LFNG: variants seen among roughly 807,000 people sequenced by gnomAD.
LFNG encodes the protein beta-1,3-N-acetylglucosaminyltransferase lunatic fringe.
In LFNG, 15 loss-of-function variants were observed where a neutral mutation model predicts 32.7. The ratio of observed to expected loss-of-function variants is 0.46; its 90% confidence interval spans 0.31 to 0.71. The LOEUF (loss-of-function observed/expected upper bound fraction) is 0.71, where lower values mean the gene tolerates loss of function less well. LFNG is among the 30% of genes least tolerant of loss of function. The pLI is 0.06. For missense variants in LFNG, 520 were observed against 545.7 expected (o/e 0.95, Z 0.47); for synonymous variants, 274 against 246.8 (o/e 1.11, Z -1.03).
upstream of LFNG, among the ~76,000 whole-genome samples, chr7:2,514,248 A>G (rs538526009): frequency 5.4e-4 from 83 of 152,356 alleles, no homozygotes; most frequent in African/African-American, 1.8e-3. Flanking sequence ...TTTGGGAGAC[A>G]GAGTCAGAGA....
upstream of LFNG, chr7:2,513,109 C>A (rs774092304): frequency 4.2e-5 from 68 of 1,600,158 alleles, no homozygotes; most frequent in Non-Finnish European, 5.6e-5. Context: ...TTGGGCTGGA[C>A]CCATTTTTCT....
At chr7:2,522,365 G>T (rs1583273683) in intron 1 of LFNG, among the ~76,000 whole-genome samples, 1 of 152,238 alleles carries the variant, frequency 6.6e-6, no homozygotes, top group Admixed American at 6.5e-5. Context: ...GGGAGGGTCG[G>T]TTGGTCAGCA....
downstream of LFNG, among the ~76,000 whole-genome samples, chr7:2,528,687 CTA>C (rs1172158668): frequency 6.6e-6 from 1 of 152,186 alleles, no homozygotes; most frequent in Non-Finnish European, 1.5e-5. Context: ...AGGAACAGGT[CTA>C]GGATGCTGGG....
In LFNG at chr7:2,520,052, C is replaced by T; in HGVS notation, c.191C>T (p.Pro64Leu). 2 of 1,124,064 alleles carry T rather than the reference C, an allele frequency of 1.8e-6. No homozygotes were observed. The highest frequency in any genetic ancestry group is 2.2e-6 in the Non-Finnish European group (2 of 919,552). 69.6% of individuals were successfully genotyped at this position (1,124,064 alleles called of 1,614,324 possible). The change falls in exon 1 of 8, where the codon CCC becomes CTC. Residue 64 changes from proline to leucine, a missense_variant. Physicochemically the swap from Pro to Leu is moderately conservative, Grantham distance 98 (BLOSUM62 -3). This residue lies in a region of LFNG where 360 missense variants were observed against 354.7 expected (regional missense o/e 1.01). Coordinates refer to ENST00000222725, the MANE Select transcript of LFNG (RefSeq NM_001040167.2). This position sits in a 1 kb window ranked among gnomAD's most constrained non-coding sequence, Gnocchi z 5.0. ...GGGCTGGGGGCGGCGGCGGCGGCGC[C>T]CGGGGCGCTGGTCCGCGACGTGCAC... ...APGLGAAAAA[P>L]GALVRDVHSL...
In LFNG at chr7:2,520,173, C is replaced by G. The variant is rs552455490; in HGVS notation, c.312C>G (p.Arg104=). ...CCCGCCCCGCCGACGGCCACCCGCG[C>G]CCCCTGGCCGAGCCGCTCGCGCCCC... ...AAPRPADGHP[R]PLAEPLAPRD... Residue 104 remains arginine (R), a synonymous_variant, in exon 1 of 8, where the codon CGC becomes CGG. Transcript: ENST00000222725. This position sits in a 1 kb window ranked among gnomAD's most constrained non-coding sequence, Gnocchi z 5.0. The G allele has an allele frequency of 4.5e-6, 7 of 1,551,648 alleles. No homozygotes were observed. The highest frequency in any genetic ancestry group is 6.1e-6 in the Non-Finnish European group (7 of 1,150,922).
chr7:2,516,617 G>C (rs888203239), upstream of LFNG, among the ~76,000 whole-genome samples: 1 of 152,216 alleles, frequency 6.6e-6, no homozygotes, highest in Non-Finnish European at 1.5e-5. Context: ...GAGGAGGGTA[G>C]GGCCCCTGGT....
At position 2,520,072 on chromosome 7, in the gene LFNG, G is replaced by A; in HGVS notation, c.211G>A (p.Val71Met). The A allele has an allele frequency of 8.0e-7, 1 of 1,249,520 alleles. No individual in the cohort carries two copies. Among genetic ancestry groups the A allele is most frequent in the Non-Finnish European group, 1.0e-6 (1 of 988,872 alleles). The allele number at this position is 1,249,520 out of a possible 1,614,324, so 77.4% of individuals were successfully genotyped here. A position where few individuals can be genotyped will look rare whatever the true frequency, so the allele number is the denominator to read the frequency against. Residue 71 changes from valine to methionine, a missense_variant, in exon 1 of 8, where the codon GTG (valine) becomes ATG (methionine). By Grantham distance (21) the Val-to-Met change is conservative. This residue lies in a region of LFNG where 360 missense variants were observed against 354.7 expected (regional missense o/e 1.01). Transcript: ENST00000222725. The surrounding 1 kb of genome is among the most constrained non-coding windows in gnomAD (Gnocchi z 5.0). ...AAAPGALVRD[V>M]HSLSEYFSLL... ...GGCGCCCGGGGCGCTGGTCCGCGAC[G>A]TGCACAGTCTGTCCGAGTACTTCAG...
upstream of LFNG, chr7:2,513,386 G>A: frequency 6.6e-7 from 1 of 1,514,724 alleles, no homozygotes; most frequent in South Asian, 1.3e-5. Context: ...AGAGCAGCCT[G>A]GAATATCCTT....
chr7:2,521,507 C>T (rs1267702692), intron 1 of LFNG, among the ~76,000 whole-genome samples: 1 of 152,226 alleles, frequency 6.6e-6, no homozygotes, highest in Non-Finnish European at 1.5e-5. Flanking sequence ...CCGCTGCTGG[C>T]GTGCTGGCCA....
At position 2,527,055 on chromosome 7, in the gene LFNG, G is replaced by C. The variant is rs181353385; in HGVS notation, c.1074-91G>C. ...GTGTCCCCCGGAGTCCTGCTTGCTC[G>C]GGGTGGGGCCGCCAGTGTTGTGGGA... On this transcript the variant is annotated intron_variant, in intron 7 of 7. Coordinates refer to ENST00000222725, the MANE Select transcript of LFNG (RefSeq NM_001040167.2). This position sits in a 1 kb window ranked among gnomAD's most constrained non-coding sequence, Gnocchi z 4.4. 1.4e-6 allele frequency: 2 copies of C among 1,460,078 alleles called. No homozygotes were observed. Among genetic ancestry groups the C allele is most frequent in the African/African-American group, 1.4e-5 (1 of 71,444 alleles). The allele number at this position is 1,460,078 out of a possible 1,614,324, so 90.4% of individuals were successfully genotyped here. A position where few individuals can be genotyped will look rare whatever the true frequency, so the allele number is the denominator to read the frequency against.
chr7:2,524,771 G>A (rs1281208080), intron 2 of LFNG, 28 bp downstream of exon 2: 1 of 1,562,204 alleles, frequency 6.4e-7, no homozygotes, highest in Non-Finnish European at 8.7e-7. Context: ...GGCGGGAGGG[G>A]GCCCAGGCCT....
At chr7:2,515,154 CCATCCATCCATCTATT>C (rs1305878642), upstream of LFNG, among the ~76,000 whole-genome samples, 1 of 152,060 alleles carries the variant, frequency 6.6e-6, no homozygotes, top group Non-Finnish European at 1.5e-5. Flanking sequence ...ATCCACCTTT[CCATCCATCCATCTATT>C]CATCCATCCA....
chr7:2,513,140 CT>C, upstream of LFNG: 2 of 1,601,320 alleles, frequency 1.2e-6, no homozygotes, highest in Admixed American at 3.4e-5. Flanking sequence ...GAATCCTCAC[CT>C]ACTACCTTCC....
intron 1 of LFNG, among the ~76,000 whole-genome samples, chr7:2,521,867 T>C (rs1386236105): frequency 2.0e-5 from 3 of 152,102 alleles, no homozygotes; most frequent in African/African-American, 7.2e-5. Context: ...CCTGCAGGCA[T>C]GGGGTGAACC....
At chr7:2,515,684 C>T (rs887196275), upstream of LFNG, among the ~76,000 whole-genome samples, 6 of 152,328 alleles carry the variant, frequency 3.9e-5, no homozygotes, top group African/African-American at 7.2e-5. Context: ...GTGGGCAGGG[C>T]GGGTGAGGCA....
chr7:2,516,601 C>A (rs1779633723), upstream of LFNG, among the ~76,000 whole-genome samples: 1 of 152,210 alleles, frequency 6.6e-6, no homozygotes, highest in Admixed American at 6.5e-5. Flanking sequence ...CTGATGGCGG[C>A]TAGAGGAGGA....
At chr7:2,528,789 T>G, downstream of LFNG, 1 of 657,072 alleles carries the variant, frequency 1.5e-6, no homozygotes, top group Non-Finnish European at 2.8e-6. Context: ...GGACAGTGAC[T>G]CCTGTGACCG....
intron 1 of LFNG, among the ~76,000 whole-genome samples, chr7:2,522,849 C>T (rs1173542790): frequency 1.3e-5 from 2 of 152,234 alleles, no homozygotes; most frequent in African/African-American, 4.8e-5. Context: ...TTGTTCTCTG[C>T]CCAGGGGAGC....
At position 2,512,592 on chromosome 7, in the gene LFNG, C is replaced by T. The variant is rs372048928; in HGVS notation, c.-63C>T. On this transcript the variant is annotated 5_prime_UTR_variant, in exon 1 of 9. Transcript: ENST00000402506. ...GGAGGAGGGAGGACAGAGGCCAAGG[C>T]GGCTCCTGGCCACCCTCGCAGCTTC... 302 of 1,452,810 alleles carry T rather than the reference C, an allele frequency of 2.1e-4. 1 individual carries two copies. The African/African-American group carries it at 3.0e-3, about 14-fold the overall frequency. The allele number at this position is 1,452,810 out of a possible 1,614,324, so 90.0% of individuals were successfully genotyped here.
Sources: gnomAD v4.1 joint callset for allele counts (sites outside exome capture counted in the v4.1 genomes callset) on GRCh38, gnomAD v4.1.1 for gene constraint, gnomAD v4.1.1 regional missense constraint, Gnocchi (gnomAD v3.1) non-coding constraint, MANE v1.5 for transcripts, NCBI Gene and HGNC (gene_info 2026-07-23, HGNC 2026-07-21) for gene names.